ZNF710: variants seen among roughly 807,000 people sequenced by gnomAD.
ZNF710 encodes the protein zinc finger protein 710.
Under a neutral mutation model 50.6 loss-of-function variants are expected in ZNF710, and 13 were observed. The observed-to-expected ratio is 0.26, with a 90% CI of 0.17 to 0.41. ZNF710 has a LOEUF of 0.41. Among genes scored for constraint, ZNF710 ranks in the 10% least tolerant of loss-of-function variants. The pLI is 1.00. For synonymous variants in ZNF710, 383 were observed against 397.0 expected (o/e 0.96, Z 0.42); for missense variants, 721 against 936.6 (o/e 0.77, Z 3.01).
chr15:90,055,419 C>G lies in ZNF710; in HGVS notation c.-28-11691C>G, dbSNP rs112990295. On this transcript the variant is annotated intron_variant, in intron 1 of 4. Transcript: ENST00000268154. ...CGTGGCTTCACATGGAGGGAGGGGA[C>G]AGCAGCACGTTGTGGACTTGTCATG... is the stretch of plus-strand genomic sequence containing the variant. Among the ~76,000 whole-genome samples the G allele has an allele frequency of 4.2e-3, 638 of 152,258 alleles. 1 individual carries two copies. The highest frequency in any genetic ancestry group is 7.3e-3 in the Admixed American group (112 of 15,294).
intron 1 of ZNF710, among the ~76,000 whole-genome samples, chr15:90,022,679 G>A (rs1425712078): frequency 6.6e-6 from 1 of 152,224 alleles, no homozygotes; most frequent in African/African-American, 2.4e-5. Context: ...GTTGACCTGA[G>A]AGACGAGAAA....
intron 1 of ZNF710, among the ~76,000 whole-genome samples, chr15:90,027,489 C>T (rs149437450): frequency 1.3e-5 from 2 of 151,742 alleles, no homozygotes; most frequent in African/African-American, 2.4e-5. Flanking sequence ...GGATTATAGA[C>T]GTGAGCCATA....
chr15:90,022,069 G>A (rs905188534), intron 1 of ZNF710, among the ~76,000 whole-genome samples: 1 of 151,876 alleles, frequency 6.6e-6, no homozygotes, highest in African/African-American at 2.4e-5. Flanking sequence ...GTTACAGAGC[G>A]AGACTCTGTC....
chr15:90,077,239 CTTTTTTTTTTTT>C (rs34572330), intron 4 of ZNF710, among the ~76,000 whole-genome samples: 2 of 79,084 alleles, frequency 2.5e-5, no homozygotes, highest in Non-Finnish European at 2.3e-5. Context: ...TCTCAAGGTG[CTTTTTTTTTTTT>C]TTTTTTTTTT....
In ZNF710 at chr15:90,059,263, C is replaced by T. The variant is rs988261198; in HGVS notation, c.-28-7847C>T. Among the ~76,000 whole-genome samples, 3 of 152,178 alleles carry T rather than the reference C, an allele frequency of 2.0e-5. No homozygotes were observed. The highest frequency in any genetic ancestry group is 4.4e-5 in the Non-Finnish European group (3 of 68,026). On this transcript the variant is annotated intron_variant, in intron 1 of 4. Transcript: ENST00000268154. The surrounding 1 kb of genome is among the most constrained non-coding windows in gnomAD (Gnocchi z 4.1). ...GTAGGAAACATCGGTGAGTTGGGGG[C>T]AGAGGGGCAGTGGAGCCTGCCTGGG...
chr15:90,025,408 T>A (rs902133301), intron 1 of ZNF710: 1 of 152,156 alleles, frequency 6.6e-6, no homozygotes, highest in Admixed American at 6.6e-5. Flanking sequence ...AACCTTATGG[T>A]TTATGTAGAC....
In ZNF710 at chr15:90,059,734, C is replaced by G. The variant is rs979149533; in HGVS notation, c.-28-7376C>G. 3.3e-5 allele frequency among the ~76,000 whole-genome samples: 5 copies of G among 152,354 alleles called. No individual in the cohort carries two copies. Among genetic ancestry groups the G allele is most frequent in the African/African-American group, 1.2e-4 (5 of 41,590 alleles). ...AAGGGGCCCCGAGGCACAGGCCTTCCAGCTCTCGCTTCCTCTTCCCTTCTG... is the reference window on the plus strand; with the variant it reads ...AAGGGGCCCCGAGGCACAGGCCTTCGAGCTCTCGCTTCCTCTTCCCTTCTG... On this transcript the variant is annotated intron_variant, in intron 1 of 4. Coordinates refer to ENST00000268154, the MANE Select transcript of ZNF710 (RefSeq NM_198526.4). The surrounding 1 kb of genome is among the most constrained non-coding windows in gnomAD (Gnocchi z 4.1).
At chr15:90,023,426 A>G (rs1248467948) in intron 1 of ZNF710, among the ~76,000 whole-genome samples, 1 of 152,234 alleles carries the variant, frequency 6.6e-6, no homozygotes, top group Non-Finnish European at 1.5e-5. Flanking sequence ...TGATAGCTGC[A>G]AGTTCTTGGC....
chr15:90,054,939 T>G (rs1317444), intron 1 of ZNF710, among the ~76,000 whole-genome samples: 72,419 of 152,066 alleles, frequency 0.48, 21,042 homozygotes, highest in African/African-American at 0.8. Context: ...CCAAAGCTGG[T>G]CTCGGCAAGG....
At chr15:90,031,858 G>C (rs529998354) in intron 1 of ZNF710, among the ~76,000 whole-genome samples, 29 of 152,322 alleles carry the variant, frequency 1.9e-4, no homozygotes, top group African/African-American at 6.7e-4. Flanking sequence ...CGGCCAGCTT[G>C]GGCCAGCTAT....
At chr15:90,054,918 C>G (rs1899764417) in intron 1 of ZNF710, among the ~76,000 whole-genome samples, 1 of 152,200 alleles carries the variant, frequency 6.6e-6, no homozygotes. Context: ...CAGGGTCTAT[C>G]TGGCTGCTGT....
At chr15:90,030,833 G>T (rs780931275) in intron 1 of ZNF710, among the ~76,000 whole-genome samples, 2 of 151,940 alleles carry the variant, frequency 1.3e-5, no homozygotes, top group Non-Finnish European at 2.9e-5. Flanking sequence ...TGGCTAACAC[G>T]GTGAAACCCC....
At chr15:90,061,592 G>A (rs986252534) in intron 1 of ZNF710, among the ~76,000 whole-genome samples, 2 of 152,194 alleles carry the variant, frequency 1.3e-5, no homozygotes, top group South Asian at 2.1e-4. Context: ...CAGGTTTTGG[G>A]TGTCTTCACC....
rs563294011 is a variant in ZNF710 at position 90,040,867 on chromosome 15, A to T, written c.-28-26243A>T. ...TTTTGCCTCCATATTGTTGCAAGTG[A>T]GGACTTATCTCTCCACCACCCTATC... On this transcript the variant is annotated intron_variant, in intron 1 of 4. Coordinates refer to ENST00000268154, the MANE Select transcript of ZNF710 (RefSeq NM_198526.4). This position sits in a 1 kb window ranked among gnomAD's most constrained non-coding sequence, Gnocchi z 4.6. Among the ~76,000 whole-genome samples, 1 of 152,310 alleles carries T rather than the reference A, an allele frequency of 6.6e-6. No homozygotes were observed. Among genetic ancestry groups the T allele is most frequent in the South Asian group, 2.1e-4 (1 of 4,822 alleles).
chr15:90,039,852 C>T (rs1166702050), intron 1 of ZNF710, among the ~76,000 whole-genome samples: 1 of 152,210 alleles, frequency 6.6e-6, no homozygotes, highest in Non-Finnish European at 1.5e-5. Context: ...GCAAGGGGCG[C>T]TGTCCCATAA....
intron 4 of ZNF710, chr15:90,075,316 T>C (rs1414733471): frequency 6.6e-6 from 1 of 151,974 alleles, no homozygotes; most frequent in Non-Finnish European, 1.5e-5. Context: ...AGGCCAGGAG[T>C]TTGATACCAA....
chr15:90,013,376 T>C (rs1898366340), intron 1 of ZNF710, among the ~76,000 whole-genome samples: 1 of 152,234 alleles, frequency 6.6e-6, no homozygotes, highest in Non-Finnish European at 1.5e-5. Context: ...GTACTGGTAT[T>C]ACAGGTGTGA....
intron 2 of ZNF710, 84 bp from the exon 3 acceptor site, chr15:90,072,987 T>C: frequency 6.9e-7 from 1 of 1,442,968 alleles, no homozygotes. Context: ...GCTATGGCCC[T>C]GCCCCTACCC....
At chr15:90,002,040 G>GCGGGAGGCC (rs1440544310) in intron 1 of ZNF710, among the ~76,000 whole-genome samples, 3 of 151,074 alleles carry the variant, frequency 2.0e-5, no homozygotes, top group African/African-American at 7.3e-5. Context: ...CGGCGGCGGC[G>GCGGGAGGCC]CGGGAGGCCC....
Sources: allele counts gnomAD v4.1 joint callset (sites outside exome capture counted in the v4.1 genomes callset), GRCh38; gene constraint gnomAD v4.1.1; non-coding constraint Gnocchi (gnomAD v3.1); transcripts MANE v1.5; gene names NCBI Gene and HGNC (gene_info 2026-07-23, HGNC 2026-07-21).